EPHA10: variants seen among roughly 807,000 people sequenced by gnomAD.
EPHA10 encodes ephrin type-A receptor 10.
Under a neutral mutation model 109.7 loss-of-function variants are expected in EPHA10, and 120 were observed. That is an observed-to-expected ratio of 1.09 (90% CI 0.94 to 1.27). EPHA10 has a LOEUF of 1.27. Among genes scored for constraint, EPHA10 ranks in the 50% most tolerant of loss-of-function variants. The pLI, the probability that EPHA10 is intolerant of heterozygous loss-of-function variation, is 0.00. For missense variants in EPHA10, 1,396 were observed against 1,411.1 expected (o/e 0.99, Z 0.17); for synonymous variants, 640 against 618.9 (o/e 1.03, Z -0.51).
chr1:37,722,672 C>T (rs1645818542), intron 10 of EPHA10: 1 of 377,412 alleles, frequency 2.6e-6, no homozygotes, highest in African/African-American at 2.1e-5. Flanking sequence ...TGACCCTGAT[C>T]ATGCAGCGGG....
intron 3 of EPHA10, chr1:37,760,438 C>A: frequency 4.7e-6 from 5 of 1,055,858 alleles, no homozygotes; most frequent in Non-Finnish European, 5.7e-6. Flanking sequence ...AAGGATCTCC[C>A]CCAGGGAGCA....
Position 37,753,204 on chromosome 1 carries a change from G to T in EPHA10, c.1029C>A (p.Asp343Glu). 7.4e-7 allele frequency: 1 copy of T among 1,343,078 alleles called. No individual in the cohort carries two copies. The highest frequency in any genetic ancestry group is 9.5e-7 in the Non-Finnish European group (1 of 1,051,712). 83.2% of individuals were successfully genotyped at this position (1,343,078 alleles called of 1,614,324 possible). A position where few individuals can be genotyped will look rare whatever the true frequency, so the allele number is the denominator to read the frequency against. The part of the protein sequence containing the change: ...SCTRPPSAPR[D>E]LQYSLSRSPL... ...GCGAGCGGCTCAGGCTGTACTGCAG[G>T]TCCCGCGGCGCCGACGGCGGCCCTG... is the stretch of plus-strand genomic sequence containing the variant. Residue 343 changes from aspartate to glutamate, a missense_variant, in exon 5 of 17, where the codon GAC (aspartate) becomes GAA (glutamate). Asp to Glu is a conservative substitution (Grantham distance 45). Coordinates refer to ENST00000373048, the MANE Select transcript of EPHA10 (RefSeq NM_001099439.2).
intron 6 of EPHA10, among the ~76,000 whole-genome samples, chr1:37,732,628 G>A (rs1646003276): frequency 6.6e-6 from 1 of 152,160 alleles, no homozygotes; most frequent in East Asian, 1.9e-4. Context: ...GCTAGGGGCA[G>A]AGAGGAGGAA....
intron 5 of EPHA10, among the ~76,000 whole-genome samples, chr1:37,751,419 C>T (rs553448850): frequency 1.3e-3 from 191 of 150,274 alleles, no homozygotes; most frequent in African/African-American, 4.4e-3. Context: ...AAATACAAAA[C>T]TTAGCTGGGT....
intron 8 of EPHA10, among the ~76,000 whole-genome samples, chr1:37,724,463 G>C (rs1235950954): frequency 6.6e-6 from 1 of 152,100 alleles, no homozygotes; most frequent in African/African-American, 2.4e-5. Flanking sequence ...TCTGAGAAGA[G>C]GGACTAGGAA....
At chr1:37,757,176 A>C (rs550119979) in intron 3 of EPHA10, among the ~76,000 whole-genome samples, 8 of 152,208 alleles carry the variant, frequency 5.3e-5, no homozygotes, top group African/African-American at 1.9e-4. Flanking sequence ...TTTTCCCCCA[A>C]AGGAAACCCC....
intron 5 of EPHA10, among the ~76,000 whole-genome samples, chr1:37,741,761 A>G (rs1646157600): frequency 6.6e-6 from 1 of 151,512 alleles, no homozygotes; most frequent in Admixed American, 6.6e-5. Flanking sequence ...GACCCTTTAA[A>G]AAAAAAAAAA....
Position 37,761,524 on chromosome 1 carries a change from G to T in EPHA10, c.731C>A (p.Ser244Ter). The T allele has an allele frequency of 6.3e-7, 1 of 1,599,480 alleles. No individual in the cohort carries two copies. The highest frequency in any genetic ancestry group is 8.5e-7 in the Non-Finnish European group (1 of 1,177,974). The stretch of plus-strand genomic sequence containing the variant: ...TGGGGGGCTGCCAGGCTCCCCTTCC[G>T]AGTGCGCCACGCACGTTCCGGCCAC... ...VEVAGTCVAH[S>*]EGEPGSPPRM... Residue 244 changes from serine to a stop codon, truncating the protein, a stop_gained, in exon 3 of 17, where the codon TCG becomes TAG. Transcript: ENST00000373048. LOFTEE classifies it high-confidence loss of function.
chr1:37,722,130 CA>C (rs71053992), intron 10 of EPHA10: 23,248 of 271,908 alleles, frequency 0.085, 929 homozygotes, highest in African/African-American at 0.1. Context: ...GACTCGGTCT[CA>C]AAAAAAAAAG....
At chr1:37,755,315 C>T (rs1056939677) in intron 3 of EPHA10, among the ~76,000 whole-genome samples, 1 of 143,970 alleles carries the variant, frequency 6.9e-6, no homozygotes, top group Non-Finnish European at 1.5e-5. Flanking sequence ...GGGACAGACA[C>T]ACAAGCATAC....
intron 6 of EPHA10, among the ~76,000 whole-genome samples, chr1:37,734,193 C>T (rs887608792): frequency 1.3e-5 from 2 of 152,154 alleles, no homozygotes; most frequent in African/African-American, 2.4e-5. Context: ...ATATAATTTG[C>T]ACCAAGGTGA....
rs1320111085 is a variant in EPHA10 at position 37,751,201 on chromosome 1, C to CAAAAAA, written c.1357+1669_1357+1674dup. Among the ~76,000 whole-genome samples, 22 of 46,104 alleles carry CAAAAAA rather than the reference C, an allele frequency of 4.8e-4. 1 individual carries two copies. The highest frequency in any genetic ancestry group is 1.1e-3 in the South Asian group (1 of 914). The allele number at this position is 46,104 out of a possible 152,430, so 30.2% of individuals were successfully genotyped here. On this transcript the variant is annotated intron_variant, in intron 5 of 16. Transcript: ENST00000373048. ...CTGGGCAACAGAGCGAGACTCCTCT[C>CAAAAAA]AAAAAAAAAAAAAAAAGAAAGAAAG...
At chr1:37,723,518 G>T in intron 8 of EPHA10, 146 bp from the exon 9 acceptor site, 1 of 931,666 alleles carries the variant, frequency 1.1e-6, no homozygotes. Flanking sequence ...TGGTTTAAAA[G>T]CTTCTCTGTG....
chr1:37,722,740 C>A, intron 10 of EPHA10: 3 of 498,462 alleles, frequency 6.0e-6, no homozygotes, highest in East Asian at 4.3e-5. Context: ...CTTGCAAAGG[C>A]CCCTCCCCAC....
At chr1:37,729,252 G>A (rs561649662) in intron 7 of EPHA10, among the ~76,000 whole-genome samples, 6 of 152,248 alleles carry the variant, frequency 3.9e-5, no homozygotes, top group Non-Finnish European at 5.9e-5. Context: ...ACAACTTGAC[G>A]GCAGCCTTGG....
intron 5 of EPHA10, among the ~76,000 whole-genome samples, chr1:37,740,934 G>T (rs903284033): frequency 6.6e-6 from 1 of 152,138 alleles, no homozygotes; most frequent in Non-Finnish European, 1.5e-5. Flanking sequence ...CCTGAGACAC[G>T]CCAACAATTA....
chr1:37,729,969 T>TG (rs1394681623), intron 7 of EPHA10, among the ~76,000 whole-genome samples: 3 of 152,008 alleles, frequency 2.0e-5, no homozygotes, highest in African/African-American at 7.2e-5. Flanking sequence ...GAAGGGAGAC[T>TG]GGGGATCTCA....
Position 37,717,216 on chromosome 1 carries a change from A to G in EPHA10, c.*1156T>C, listed in dbSNP as rs1411465554. The G allele has an allele frequency of 4.3e-6, 1 of 232,750 alleles. No individual in the cohort carries two copies. Among genetic ancestry groups the G allele is most frequent in the African/African-American group, 2.2e-5 (1 of 45,322 alleles). 14.4% of individuals were successfully genotyped at this position (232,750 alleles called of 1,614,324 possible). On this transcript the variant is annotated 3_prime_UTR_variant, in exon 17 of 17. Transcript: ENST00000373048. Reference sequence around the variant, plus strand: ...AGGAACTCCACGGTGGGCTCAGCACAACCACTTCTGCCAGGGCTCTTCAAA... The same window carrying G: ...AGGAACTCCACGGTGGGCTCAGCACGACCACTTCTGCCAGGGCTCTTCAAA...
chr1:37,760,311 A>T (rs1001083382), intron 3 of EPHA10: 2 of 1,041,300 alleles, frequency 1.9e-6, no homozygotes, highest in Non-Finnish European at 2.3e-6. Context: ...TATTAAGTAC[A>T]CACATTAATA....
Sources: allele counts gnomAD v4.1 joint callset (sites outside exome capture counted in the v4.1 genomes callset), GRCh38; gene constraint gnomAD v4.1.1; transcripts MANE v1.5; gene names NCBI Gene and HGNC (gene_info 2026-07-23, HGNC 2026-07-21).